TPPP2: variants seen among roughly 807,000 people sequenced by gnomAD.
The protein encoded by TPPP2 is tubulin polymerization promoting protein family member 2, also known as tubulin polymerization-promoting protein family member 2.
TPPP2 carries 8 observed loss-of-function variants against 13.0 expected under a neutral mutation model. The ratio of observed to expected loss-of-function variants is 0.62; its 90% CI spans 0.36 to 1.11. The LOEUF (loss-of-function observed/expected upper bound fraction) is 1.11, where lower values mean the gene tolerates loss of function less well. Ranked by LOEUF, TPPP2 falls within the 50% of genes most tolerant of loss-of-function variation. TPPP2 has a pLI of 0.02. For synonymous variants in TPPP2, 81 were observed against 81.8 expected (o/e 0.99, Z 0.05); for missense variants, 213 against 216.9 (o/e 0.98, Z 0.11).
rs1884290375 is a variant in TPPP2 at position 21,032,509 on chromosome 14, C to G, written c.*432C>G. 2.8e-6 allele frequency: 1 copy of G among 351,618 alleles called. No individual in the cohort carries two copies. The highest frequency in any genetic ancestry group is 4.1e-5 in the Admixed American group (1 of 24,148). 21.8% of individuals were successfully genotyped at this position (351,618 alleles called of 1,614,324 possible). On this transcript the variant is annotated 3_prime_UTR_variant, in exon 4 of 4. Transcript: ENST00000321760. ...TATCACATATTAGATCCTTCCCTGT[C>G]CCTCCACCTTCCTCATCTGTTGCAA...
At chr14:21,036,295 C>G (rs1884623043), downstream of TPPP2, 1 of 455,958 alleles carries the variant, frequency 2.2e-6, no homozygotes, top group East Asian at 6.9e-5. Flanking sequence ...GTGATCCCTT[C>G]TTTCGTCTAA....
upstream of TPPP2, chr14:21,025,528 T>C (rs955058995): frequency 5.9e-5 from 58 of 985,128 alleles, 1 homozygote; most frequent in Non-Finnish European, 3.6e-5. The surrounding 1 kb of genome is among the most constrained non-coding windows in gnomAD (Gnocchi z 5.1). Flanking sequence ...GAGAACTAGA[T>C]TAAGAAAGGA....
chr14:21,025,140 A>T lies in TPPP2; in HGVS notation n.236+796A>T, dbSNP rs1883230450. 2 of 971,792 alleles carry T rather than the reference A, an allele frequency of 2.1e-6. No individual in the cohort carries two copies. The highest frequency in any genetic ancestry group is 6.2e-5 in the Admixed American group (1 of 16,212). 60.2% of individuals were successfully genotyped at this position (971,792 alleles called of 1,614,324 possible). On this transcript the variant is annotated intron_variant and non_coding_transcript_variant, in intron 1 of 1. Transcript: ENST00000533755. This position sits in a 1 kb window ranked among gnomAD's most constrained non-coding sequence, Gnocchi z 5.1. ...CCGCCCCAGCCCGCCCACGGGCGCT[A>T]GGCTCCCCGCAGACCCGCCCCAGAC...
chr14:21,033,193 G>A (rs1884361108), downstream of TPPP2: 1 of 354,960 alleles, frequency 2.8e-6, no homozygotes, highest in Non-Finnish European at 5.5e-6. Context: ...GGGGGAGACA[G>A]TCCTAGGCTC....
chr14:21,024,519 G>A, intron 1 of TPPP2: 1 of 985,292 alleles, frequency 1.0e-6, no homozygotes, highest in Non-Finnish European at 1.2e-6. Flanking sequence ...GTAAGAGGAG[G>A]GTAGCAGAGC....
In TPPP2 at chr14:21,025,034, G is replaced by A; in HGVS notation, n.236+690G>A. ...TCGCCTGCCCCTCCCCCTACCTGCT[G>A]CCGCCGCGGCCGCTTCCACCTTCAC... On this transcript the variant is annotated intron_variant and non_coding_transcript_variant, in intron 1 of 1. Coordinates refer to the TPPP2 transcript ENST00000533755. The surrounding 1 kb of genome is among the most constrained non-coding windows in gnomAD (Gnocchi z 5.1). 1.0e-6 allele frequency: 1 copy of A among 985,748 alleles called. No homozygotes were observed. Among genetic ancestry groups the A allele is most frequent in the Non-Finnish European group, 1.2e-6 (1 of 830,336 alleles). The allele number at this position is 985,748 out of a possible 1,614,324, so 61.1% of individuals were successfully genotyped here.
At chr14:21,029,531 A>T (rs1883917576), upstream of TPPP2, among the ~76,000 whole-genome samples, 1 of 152,164 alleles carries the variant, frequency 6.6e-6, no homozygotes, top group Non-Finnish European at 1.5e-5. Flanking sequence ...CTGGGACTGG[A>T]GGTTGCAGTG....
exon 1 of TPPP2, chr14:21,024,332 T>C (rs994185757): frequency 3.1e-6 from 3 of 975,376 alleles, no homozygotes; most frequent in Non-Finnish European, 2.4e-6. Flanking sequence ...GAGAAGGAAG[T>C]GCTGATGTGG....
At chr14:21,028,225 T>C (rs1303414595), upstream of TPPP2, among the ~76,000 whole-genome samples, 2 of 151,510 alleles carry the variant, frequency 1.3e-5, no homozygotes, top group Non-Finnish European at 2.9e-5. Context: ...CTTAGGTTTT[T>C]TGTTTCTTGG....
chr14:21,028,168 T>C (rs910513647), upstream of TPPP2, among the ~76,000 whole-genome samples: 4 of 152,168 alleles, frequency 2.6e-5, no homozygotes, highest in African/African-American at 9.7e-5. Flanking sequence ...GCCTGTCAAG[T>C]GTATAGCAAT....
rs926999509 is a variant in TPPP2, at chr14:21,024,995, G to A, written n.236+651G>A. 15 of 985,734 alleles carry A rather than the reference G, an allele frequency of 1.5e-5. No homozygotes were observed. The African/African-American group carries it at 2.4e-4, about 16-fold the overall frequency. 61.1% of individuals were successfully genotyped at this position (985,734 alleles called of 1,614,324 possible). On this transcript the variant is annotated intron_variant and non_coding_transcript_variant, in intron 1 of 1. Transcript: ENST00000533755. The stretch of plus-strand genomic sequence containing the variant: ...CCGCCGGCCCGGCTGGCGCCTTCCA[G>A]GCCCTACGGCCCCTCGCCTGCCCCT...
Position 21,030,566 on chromosome 14 carries a change from C to G in TPPP2, c.-16C>G. 1 of 1,611,924 alleles carries G rather than the reference C, an allele frequency of 6.2e-7. No individual in the cohort carries two copies. The highest frequency in any genetic ancestry group is 8.5e-7 in the Non-Finnish European group (1 of 1,179,038). ...AAGTGTCTCCCACGACTGCCCTCCC[C>G]GACCTCTAGCTGACCATGGCATCAG... is the stretch of plus-strand genomic sequence containing the variant. On this transcript the variant is annotated 5_prime_UTR_variant, in exon 2 of 4. Transcript: ENST00000321760.
Position 21,025,192 on chromosome 14 carries a change from C to A in TPPP2, n.236+848C>A, listed in dbSNP as rs1264443671. On this transcript the variant is annotated intron_variant and non_coding_transcript_variant, in intron 1 of 1. Coordinates refer to the TPPP2 transcript ENST00000533755. This position sits in a 1 kb window ranked among gnomAD's most constrained non-coding sequence, Gnocchi z 5.1. ...CCCAGTAAACACGCCCCCCCTTTCA[C>A]CCCGCCCAGACTGCCGCTCAGGAAA... The A allele has an allele frequency of 3.4e-6, 3 of 886,298 alleles. No homozygotes were observed. In the East Asian group the frequency reaches 3.6e-4, roughly 106 times the overall value. 54.9% of individuals were successfully genotyped at this position (886,298 alleles called of 1,614,324 possible).
At chr14:21,036,093 G>A, downstream of TPPP2, 1 of 423,454 alleles carries the variant, frequency 2.4e-6, no homozygotes, top group Admixed American at 2.7e-5. Flanking sequence ...CCGGCACATG[G>A]TGAGTCCTCA....
chr14:21,035,343 A>G (rs1884548371), downstream of TPPP2, among the ~76,000 whole-genome samples: 1 of 152,194 alleles, frequency 6.6e-6, no homozygotes, highest in Admixed American at 6.5e-5. Flanking sequence ...TGGATGCCAG[A>G]GCCTGGCATG....
chr14:21,036,139 C>T (rs1884609923), downstream of TPPP2: 1 of 454,758 alleles, frequency 2.2e-6, no homozygotes, highest in East Asian at 6.9e-5. Context: ...ACAGCCCTGA[C>T]AATCTTAAAC....
chr14:21,035,692 G>A (rs902586975), downstream of TPPP2: 16 of 444,756 alleles, frequency 3.6e-5, no homozygotes, highest in East Asian at 1.1e-3. Context: ...TGTTCCTCAT[G>A]TAGAGCCCCC....
upstream of TPPP2, chr14:21,029,362 A>C (rs1222880048): frequency 6.6e-6 from 1 of 152,184 alleles, no homozygotes; most frequent in African/African-American, 2.4e-5. Context: ...GCACTTTGGG[A>C]GGCTGAGGCA....
chr14:21,026,117 G>T (rs544985360), upstream of TPPP2, among the ~76,000 whole-genome samples: 321 of 152,174 alleles, frequency 2.1e-3, no homozygotes, highest in African/African-American at 7.5e-3. Flanking sequence ...GCCCGAGTGG[G>T]TTTGCCACTG....
Sources: allele counts gnomAD v4.1 joint callset (sites outside exome capture counted in the v4.1 genomes callset), GRCh38; gene constraint gnomAD v4.1.1; non-coding constraint Gnocchi (gnomAD v3.1); transcripts MANE v1.5; gene names NCBI Gene and HGNC (gene_info 2026-07-23, HGNC 2026-07-21).